PTPRD: variants seen among roughly 807,000 people sequenced by gnomAD.
PTPRD encodes receptor-type tyrosine-protein phosphatase delta.
Under a neutral mutation model 214.5 loss-of-function variants are expected in PTPRD, and 34 were observed. That is an observed-to-expected ratio of 0.16 (90% CI 0.12 to 0.21). PTPRD has a LOEUF of 0.21. PTPRD is among the 10% of genes least tolerant of loss of function. The pLI, the probability that PTPRD is intolerant of heterozygous loss-of-function variation, is 1.00. For missense variants in PTPRD, 2,545 were observed against 2,398.7 expected (o/e 1.06, Z -1.27); for synonymous variants, 1,128 against 845.7 (o/e 1.33, Z -5.79).
intron 5 of PTPRD, among the ~76,000 whole-genome samples, chr9:9,774,674 C>G (rs1307876590): frequency 6.6e-6 from 1 of 152,134 alleles, no homozygotes; most frequent in Non-Finnish European, 1.5e-5. Context: ...ATCCATTATA[C>G]TTTTAAATGT....
At chr9:9,689,394 G>C (rs970658843) in intron 7 of PTPRD, among the ~76,000 whole-genome samples, 1 of 151,778 alleles carries the variant, frequency 6.6e-6, no homozygotes, top group African/African-American at 2.4e-5. Context: ...ATATATAAGA[G>C]ATGCACATGT....
intron 11 of PTPRD, among the ~76,000 whole-genome samples, chr9:8,766,168 A>T (rs1195577043): frequency 6.8e-6 from 1 of 147,016 alleles, no homozygotes; most frequent in Non-Finnish European, 1.5e-5. Flanking sequence ...GTTCAACCCC[A>T]TTTCGTTTTA....
chr9:10,360,372 C>A (rs1208921092), intron 2 of PTPRD, among the ~76,000 whole-genome samples: 1 of 152,228 alleles, frequency 6.6e-6, no homozygotes, highest in African/African-American at 2.4e-5. Flanking sequence ...ATTTATTTTA[C>A]TATATCAGAC....
chr9:8,733,584 A>G (rs2098684132), intron 12 of PTPRD, among the ~76,000 whole-genome samples, 196 bp downstream of exon 12: 1 of 152,196 alleles, frequency 6.6e-6, no homozygotes, highest in South Asian at 2.1e-4. Context: ...AAGGGGCATT[A>G]AAACGGAGAG....
At chr9:10,526,740 C>G (rs750425799) in intron 2 of PTPRD, among the ~76,000 whole-genome samples, 3 of 151,988 alleles carry the variant, frequency 2.0e-5, no homozygotes, top group Non-Finnish European at 4.4e-5. Context: ...GCAATAGATA[C>G]AGTATTGAGG....
chr9:9,750,266 T>G (rs1453071990), intron 6 of PTPRD, among the ~76,000 whole-genome samples: 7 of 152,088 alleles, frequency 4.6e-5, no homozygotes, highest in Non-Finnish European at 7.4e-5. Context: ...AAAAATAAAA[T>G]AATGTGAATG....
chr9:10,265,869 A>G (rs1235441936), intron 3 of PTPRD, among the ~76,000 whole-genome samples: 1 of 152,208 alleles, frequency 6.6e-6, no homozygotes, highest in African/African-American at 2.4e-5. Context: ...AAGTTGCATT[A>G]TAAGTGAAAT....
At chr9:8,326,175 T>C (rs1465841350) in intron 44 of PTPRD, among the ~76,000 whole-genome samples, 1 of 152,240 alleles carries the variant, frequency 6.6e-6, no homozygotes, top group Non-Finnish European at 1.5e-5. Context: ...CTTCCAGTTT[T>C]TGCCCATTCT....
intron 3 of PTPRD, among the ~76,000 whole-genome samples, chr9:10,079,592 C>T (rs529693789): frequency 7.3e-4 from 111 of 152,226 alleles, no homozygotes; most frequent in African/African-American, 2.5e-3. Context: ...TCAGGCCCTG[C>T]TGCTAATTCT....
intron 5 of PTPRD, among the ~76,000 whole-genome samples, chr9:9,783,183 T>G (rs1048060433): frequency 2.0e-5 from 3 of 152,232 alleles, no homozygotes; most frequent in Admixed American, 2.0e-4. Flanking sequence ...AAGCTGTTTG[T>G]TTTTGATTCT....
At chr9:10,343,542 G>C (rs2096987883) in intron 2 of PTPRD, among the ~76,000 whole-genome samples, 1 of 152,120 alleles carries the variant, frequency 6.6e-6, no homozygotes, top group Non-Finnish European at 1.5e-5. Context: ...AGGTCCTTGA[G>C]GAATCGCCAC....
intron 5 of PTPRD, among the ~76,000 whole-genome samples, chr9:9,776,643 AG>A (rs1207694074): frequency 6.6e-6 from 1 of 152,242 alleles, no homozygotes; most frequent in African/African-American, 2.4e-5. Flanking sequence ...AAGAAAAAAA[AG>A]AACATGCTAG....
rs2099973451 is a variant in PTPRD, at chr9:9,247,224, G to C, written c.-202-63861C>G. On this transcript the variant is annotated intron_variant, in intron 9 of 45. Transcript: ENST00000381196. ...GTCCTTCCCTATACCTGGGAAGAAGGAAGGCCATACAGAGAGGTCAAGAAG... is the reference window on the plus strand; with the variant it reads ...GTCCTTCCCTATACCTGGGAAGAAGCAAGGCCATACAGAGAGGTCAAGAAG... 2.0e-5 allele frequency among the ~76,000 whole-genome samples: 3 copies of C among 151,854 alleles called. No homozygotes were observed. In the South Asian group the frequency reaches 6.2e-4, roughly 31 times the overall value.
In PTPRD at chr9:8,314,698, A is replaced by T. The variant is rs1027646661; in HGVS notation, c.*3176T>A. On this transcript the variant is annotated 3_prime_UTR_variant, in exon 46 of 46. Transcript: ENST00000381196. ...TAAAGCAAAACCGAAAATAAACAGG[A>T]AAGAAAAAAAATACGTGCATTACTG... 1 of 232,244 alleles carries T rather than the reference A, an allele frequency of 4.3e-6. No individual in the cohort carries two copies. The highest frequency in any genetic ancestry group is 2.2e-5 in the African/African-American group (1 of 45,258). 14.4% of individuals were successfully genotyped at this position (232,244 alleles called of 1,614,324 possible).
intron 3 of PTPRD, among the ~76,000 whole-genome samples, chr9:10,050,021 T>A (rs2097498365): frequency 6.6e-6 from 1 of 152,166 alleles, no homozygotes; most frequent in Non-Finnish European, 1.5e-5. Context: ...GAAGGTTCTG[T>A]GAAGCCTGAG....
At chr9:9,751,011 T>A (rs2098512809) in intron 6 of PTPRD, among the ~76,000 whole-genome samples, 1 of 152,096 alleles carries the variant, frequency 6.6e-6, no homozygotes, top group Non-Finnish European at 1.5e-5. Flanking sequence ...TAATTTTGAT[T>A]TTCCAATGCA....
intron 2 of PTPRD, among the ~76,000 whole-genome samples, chr9:10,519,257 C>CGAA (rs1555465157): frequency 1.4e-5 from 1 of 71,464 alleles, no homozygotes; most frequent in Non-Finnish European, 2.4e-5. Context: ...ATTTCCTCCA[C>CGAA]AAAAAAAAAA....
chr9:9,485,100 G>C (rs149448482), intron 8 of PTPRD, among the ~76,000 whole-genome samples: 1 of 152,294 alleles, frequency 6.6e-6, no homozygotes, highest in East Asian at 1.9e-4. Flanking sequence ...ATCAATGGAT[G>C]TTCAAATGTG....
intron 43 of PTPRD, among the ~76,000 whole-genome samples, chr9:8,337,577 C>G (rs562035669): frequency 6.6e-6 from 1 of 151,924 alleles, no homozygotes; most frequent in African/African-American, 2.4e-5. Flanking sequence ...ATGTTCTGCA[C>G]ATGTATTCAG....
Sources: allele counts gnomAD v4.1 joint callset (sites outside exome capture counted in the v4.1 genomes callset), GRCh38; gene constraint gnomAD v4.1.1; transcripts MANE v1.5; gene names NCBI Gene and HGNC (gene_info 2026-07-23, HGNC 2026-07-21).